KIFC3: variants seen among roughly 807,000 people sequenced by gnomAD.
The protein encoded by KIFC3 is kinesin family member C3.
Under a neutral mutation model 101.8 loss-of-function variants are expected in KIFC3, and 60 were observed. The observed-to-expected ratio is 0.59, with a 90% confidence interval of 0.48 to 0.73. The LOEUF (loss-of-function observed/expected upper bound fraction) is 0.73. Ranked by LOEUF, KIFC3 falls within the 30% of genes least tolerant of loss-of-function variation. The pLI is 0.00. For missense variants in KIFC3, 966 were observed against 1,137.1 expected, an observed-to-expected ratio of 0.85 and a Z score of 2.16; for synonymous variants, 476 against 482.7, an observed-to-expected ratio of 0.99 and a Z score of 0.18.
At chr16:57,759,374 G>A (rs891236876) in intron 18 of KIFC3, 8 of 612,200 alleles carry the variant, frequency 1.3e-5, no homozygotes, top group Non-Finnish European at 2.3e-5. Context: ...GGGCAGCTGA[G>A]GCACAGGGAG....
At chr16:57,802,949 G>C, upstream of KIFC3, 1 of 1,533,412 alleles carries the variant, frequency 6.5e-7, no homozygotes. This position sits in a 1 kb window ranked among gnomAD's most constrained non-coding sequence, Gnocchi z 5.0. Context: ...ACACACACAA[G>C]CTCTTACTCA....
chr16:57,779,705 G>A (rs991682841), intron 3 of KIFC3, among the ~76,000 whole-genome samples: 4 of 152,134 alleles, frequency 2.6e-5, no homozygotes, highest in African/African-American at 9.6e-5. Context: ...TCCCAGCTAT[G>A]CGGGAGCCGG....
chr16:57,799,242 G>A (rs2054570182), intron 1 of KIFC3, among the ~76,000 whole-genome samples: 1 of 152,218 alleles, frequency 6.6e-6, no homozygotes, highest in African/African-American at 2.4e-5. Context: ...GCAACCTTGA[G>A]GACATTTAAG....
At chr16:57,845,511 G>T (rs2055899511) in intron 1 of KIFC3, among the ~76,000 whole-genome samples, 2 of 152,106 alleles carry the variant, frequency 1.3e-5, no homozygotes, top group South Asian at 4.1e-4. Flanking sequence ...CAACACCTTT[G>T]CTCTGCTCCT....
chr16:57,859,512 C>G (rs759164634), intron 1 of KIFC3, among the ~76,000 whole-genome samples: 2 of 152,120 alleles, frequency 1.3e-5, no homozygotes, highest in African/African-American at 2.4e-5. Context: ...GCTGTTTTCA[C>G]GAAGCTCTCA....
At chr16:57,761,339 G>A (rs1201237247) in intron 14 of KIFC3, 74 bp downstream of exon 14, 6 of 1,597,640 alleles carry the variant, frequency 3.8e-6, no homozygotes, top group Non-Finnish European at 5.1e-6. Flanking sequence ...TTAGGACACA[G>A]CAGAGCCTAC....
intron 3 of KIFC3, among the ~76,000 whole-genome samples, chr16:57,789,400 C>T (rs553730653): frequency 4.2e-4 from 64 of 152,378 alleles, no homozygotes; most frequent in Non-Finnish European, 8.2e-4. Context: ...GAGAACGTCA[C>T]CTGCCGCTCA....
At chr16:57,819,342 T>C (rs1286110798) in intron 1 of KIFC3, among the ~76,000 whole-genome samples, 2 of 152,142 alleles carry the variant, frequency 1.3e-5, no homozygotes, top group African/African-American at 2.4e-5. Flanking sequence ...CAGTATCATG[T>C]GCCTGTAGTG....
Position 57,772,234 on chromosome 16 carries a change from G to A in KIFC3, c.370C>T (p.Arg124Ter), listed in dbSNP as rs782269024. The A allele has an allele frequency of 1.2e-5, 20 of 1,613,458 alleles. No individual in the cohort carries two copies. Among genetic ancestry groups the A allele is most frequent in the East Asian group, 4.5e-5 (2 of 44,874 alleles). Residue 124 changes from arginine (R) to a stop codon, truncating the protein, a stop_gained, in exon 4 of 20, where the codon CGA (arginine) becomes TGA (stop). Coordinates refer to ENST00000445690, the MANE Select transcript of KIFC3 (RefSeq NM_001130100.2). LOFTEE classifies it high-confidence loss of function. ...CCTTGTGGCCTCACCAGCTCAGATCGCAGTCGGCTCACTTCCTGGGCCTGG... is the reference window on the plus strand; with the variant it reads ...CCTTGTGGCCTCACCAGCTCAGATCACAGTCGGCTCACTTCCTGGGCCTGG... ...ISQAQEVSRL[R>*]SELGGTDLEK...
chr16:57,814,692 C>A (rs1312702695), intron 1 of KIFC3, among the ~76,000 whole-genome samples: 2 of 151,884 alleles, frequency 1.3e-5, no homozygotes, highest in African/African-American at 4.8e-5. Flanking sequence ...GTGGTGCGAT[C>A]TCAGCTCACT....
At chr16:57,853,193 C>T (rs541934978) in intron 1 of KIFC3, among the ~76,000 whole-genome samples, 12 of 152,162 alleles carry the variant, frequency 7.9e-5, no homozygotes, top group Non-Finnish European at 1.5e-4. Flanking sequence ...ATGAGGTGGG[C>T]GGATCACCTG....
intron 1 of KIFC3, among the ~76,000 whole-genome samples, chr16:57,827,830 T>C (rs1172602855): frequency 6.6e-6 from 1 of 152,228 alleles, no homozygotes; most frequent in Non-Finnish European, 1.5e-5. Flanking sequence ...GAAAGCTGAT[T>C]TGTCATCTGT....
rs541277423 is a variant in KIFC3 at position 57,822,503 on chromosome 16, C to A, written c.109-24221G>T. Among the ~76,000 whole-genome samples the A allele has an allele frequency of 3.3e-5, 5 of 152,190 alleles. No homozygotes were observed. In the East Asian group the frequency reaches 7.7e-4, roughly 24 times the overall value. On this transcript the variant is annotated intron_variant, in intron 1 of 2. Transcript: ENST00000563028. Reference sequence around the variant, plus strand: ...GCTCACTTGAGGAGTTTGAGACCAGCCTGCCCAACATGGTGAAACCCCGTC... The same window carrying A: ...GCTCACTTGAGGAGTTTGAGACCAGACTGCCCAACATGGTGAAACCCCGTC...
chr16:57,764,681 T>C (rs555912435), intron 11 of KIFC3, among the ~76,000 whole-genome samples: 1 of 151,934 alleles, frequency 6.6e-6, no homozygotes, highest in Non-Finnish European at 1.5e-5. Context: ...AAGGGAAGAG[T>C]GGACACTGAG....
At chr16:57,848,278 A>ATCATTT (rs2055978996) in intron 1 of KIFC3, among the ~76,000 whole-genome samples, 1 of 152,196 alleles carries the variant, frequency 6.6e-6, no homozygotes, top group Non-Finnish European at 1.5e-5. Context: ...AAGCAAACAG[A>ATCATTT]GAGTGGTTTA....
intron 1 of KIFC3, among the ~76,000 whole-genome samples, chr16:57,860,924 C>T (rs533043646): frequency 6.6e-6 from 1 of 152,164 alleles, no homozygotes; most frequent in African/African-American, 2.4e-5. Context: ...GTTGGCCAGG[C>T]TGGTCTTCAA....
At chr16:57,862,237 T>A (rs1959335815) in intron 1 of KIFC3, among the ~76,000 whole-genome samples, 1 of 149,042 alleles carries the variant, frequency 6.7e-6, no homozygotes, top group African/African-American at 2.5e-5. Flanking sequence ...TTTCCCAGGC[T>A]GGTCTCAAAC....
intron 1 of KIFC3, among the ~76,000 whole-genome samples, chr16:57,820,867 T>C (rs899413308): frequency 3.3e-5 from 5 of 152,042 alleles, no homozygotes; most frequent in Non-Finnish European, 7.4e-5. Flanking sequence ...ATGCCTATTA[T>C]CCCAGCACTA....
Position 57,782,031 on chromosome 16 carries a change from C to A in KIFC3, c.316-9743G>T, listed in dbSNP as rs184317613. The A allele has an allele frequency of 4.1e-6, 4 of 985,332 alleles. No homozygotes were observed. In the Admixed American group the frequency reaches 2.5e-4, roughly 61 times the overall value. 61.0% of individuals were successfully genotyped at this position (985,332 alleles called of 1,614,324 possible). On this transcript the variant is annotated intron_variant, in intron 3 of 19. Coordinates refer to ENST00000445690, the MANE Select transcript of KIFC3 (RefSeq NM_001130100.2). ...ACCATGGAAAACAAGGCAGAGTGTACCCCCTGGCGGGCTTTGCTTAGAGAG... is the reference window on the plus strand; with the variant it reads ...ACCATGGAAAACAAGGCAGAGTGTAACCCCTGGCGGGCTTTGCTTAGAGAG...
Sources: gnomAD v4.1 joint callset for allele counts (sites outside exome capture counted in the v4.1 genomes callset) on GRCh38, gnomAD v4.1.1 for gene constraint, Gnocchi (gnomAD v3.1) non-coding constraint, MANE v1.5 for transcripts, NCBI Gene and HGNC (gene_info 2026-07-23, HGNC 2026-07-21) for gene names.